SRSF4: variants seen among roughly 807,000 people sequenced by gnomAD.
The protein encoded by SRSF4 is serine/arginine-rich splicing factor 4.
SRSF4 carries 12 observed loss-of-function variants against 48.8 expected under a neutral mutation model. That is an observed-to-expected ratio of 0.25 (90% CI 0.16 to 0.40). The LOEUF is 0.40. Ranked by LOEUF, SRSF4 falls within the 10% of genes least tolerant of loss-of-function variation. The probability of loss-of-function intolerance (pLI) is 1.00; values close to 1 mark genes in which losing one functional copy is unlikely to be tolerated. For synonymous variants in SRSF4, 248 were observed against 232.5 expected, an observed-to-expected ratio of 1.07 and a Z score of -0.61; for missense variants, 466 against 667.1, an observed-to-expected ratio of 0.70 and a Z score of 3.32.
chr1:29,171,488 T>C (rs1028824706), intron 1 of SRSF4: 2 of 151,146 alleles, frequency 1.3e-5, no homozygotes, highest in Non-Finnish European at 2.9e-5. Flanking sequence ...AGTCACCTTA[T>C]CACCCCATGC....
At position 29,147,959 on chromosome 1, in the gene SRSF4, G is replaced by C. The variant is rs555093652; in HGVS notation, c.*451C>G. ...CCTCGACTGTGCTATTCACAACTTT[G>C]TTAAGTCCAAAAATATGAAACCAAA... is the stretch of plus-strand genomic sequence containing the variant. On this transcript the variant is annotated 3_prime_UTR_variant, in exon 6 of 6. Coordinates refer to ENST00000373795, the MANE Select transcript of SRSF4 (RefSeq NM_005626.5). 3 of 414,200 alleles carry C rather than the reference G, an allele frequency of 7.2e-6. No individual in the cohort carries two copies. Among genetic ancestry groups the C allele is most frequent in the South Asian group, 3.4e-5 (2 of 58,470 alleles). The allele number at this position is 414,200 out of a possible 1,614,324, so 25.7% of individuals were successfully genotyped here.
intron 4 of SRSF4, among the ~76,000 whole-genome samples, chr1:29,150,938 T>C (rs887436513): frequency 6.6e-6 from 1 of 152,212 alleles, no homozygotes; most frequent in African/African-American, 2.4e-5. Flanking sequence ...TTTCTGTGTA[T>C]ACTTTTCCCC....
chr1:29,151,257 T>C (rs565594071), intron 4 of SRSF4, among the ~76,000 whole-genome samples: 9 of 152,284 alleles, frequency 5.9e-5, no homozygotes, highest in African/African-American at 1.2e-4. Flanking sequence ...ACTTCCAGTA[T>C]ATAGGAAGTT....
chr1:29,171,453 A>G (rs1672743793), intron 1 of SRSF4: 1 of 150,290 alleles, frequency 6.7e-6, no homozygotes, highest in South Asian at 2.2e-4. Context: ...GGAGTTGTCA[A>G]TAACTCATTT....
At chr1:29,176,729 C>T (rs1672862203) in intron 1 of SRSF4, among the ~76,000 whole-genome samples, 1 of 152,122 alleles carries the variant, frequency 6.6e-6, no homozygotes, top group Non-Finnish European at 1.5e-5. Flanking sequence ...GAGTCTTGAA[C>T]TCCACATTAA....
intron 2 of SRSF4, chr1:29,160,124 AC>A: frequency 2.6e-6 from 1 of 390,082 alleles, no homozygotes; most frequent in Non-Finnish European, 4.5e-6. Flanking sequence ...AGAGAAAAAA[AC>A]AACAACAACA....
At chr1:29,178,642 G>A (rs1198493739) in intron 1 of SRSF4, among the ~76,000 whole-genome samples, 5 of 152,034 alleles carry the variant, frequency 3.3e-5, no homozygotes, top group East Asian at 1.9e-4. Flanking sequence ...AGGCCACCGC[G>A]CCCGGCCTCT....
chr1:29,151,929 C>G (rs1672417019), intron 4 of SRSF4, among the ~76,000 whole-genome samples: 1 of 152,168 alleles, frequency 6.6e-6, no homozygotes, highest in South Asian at 2.1e-4. Context: ...TACAGGTGTT[C>G]ATTAACTATT....
intron 1 of SRSF4, among the ~76,000 whole-genome samples, chr1:29,162,520 C>T (rs543789370): frequency 4.6e-5 from 7 of 152,308 alleles, no homozygotes; most frequent in African/African-American, 1.2e-4. Context: ...AAAACAATAA[C>T]AACAACAAAA....
intron 1 of SRSF4, among the ~76,000 whole-genome samples, chr1:29,175,952 G>A (rs1055598849): frequency 6.6e-6 from 1 of 151,786 alleles, no homozygotes; most frequent in Non-Finnish European, 1.5e-5. Flanking sequence ...CTGGCAGAAG[G>A]GCTTAAAAAC....
At position 29,148,778 on chromosome 1, in the gene SRSF4, T is replaced by TGCTGCG. The variant is rs537977363; in HGVS notation, c.1111_1116dup (p.Arg371_Ser372dup). The TGCTGCG allele has an allele frequency of 3.6e-4, 583 of 1,613,484 alleles. 2 individuals carry two copies. The South Asian group carries it at 4.9e-3, about 14-fold the overall frequency. On this transcript the variant is annotated inframe_insertion, in exon 6 of 6. Transcript: ENST00000373795. ...CCTCGCTTTCTGCTCCTCTCACTCT[T>TGCTGCG]GCTGCGGCTGCGACTGCGACTGCGG...
rs146585589 is a variant in SRSF4 at position 29,148,796 on chromosome 1, G to A, written c.1099C>T (p.Arg367Cys). 2,356 of 1,610,128 alleles carry A rather than the reference G, an allele frequency of 1.5e-3. 5 individuals are homozygous for A. Among genetic ancestry groups the A allele is most frequent in the Middle Eastern group, 2.0e-3 (12 of 6,042 alleles). ...TCACTCTTGCTGCGGCTGCGACTGC[G>A]ACTGCGGCTCTCCTCTCTGCTTCTC... The part of the protein sequence containing the change: ...RKRSREESRS[R>C]SRSRSKSERS... Residue 367 changes from arginine to cysteine, a missense_variant, in exon 6 of 6, where the codon CGC becomes TGC. Arg to Cys is a radical substitution (Grantham distance 180). Coordinates refer to ENST00000373795, the MANE Select transcript of SRSF4 (RefSeq NM_005626.5).
chr1:29,148,211 A>T lies in SRSF4; in HGVS notation c.*199T>A. 3 of 798,330 alleles carry T rather than the reference A, an allele frequency of 3.8e-6. No homozygotes were observed. The highest frequency in any genetic ancestry group is 6.3e-6 in the Non-Finnish European group (3 of 476,136). The allele number at this position is 798,330 out of a possible 1,614,324, so 49.5% of individuals were successfully genotyped here. A position where few individuals can be genotyped will look rare whatever the true frequency, so the allele number is the denominator to read the frequency against. ...GTAAAAGGGGATTTTCAAAGAGAAA[A>T]TTTTTTTCAGTCGAGCAGGAAGGCC... On this transcript the variant is annotated 3_prime_UTR_variant, in exon 6 of 6. Coordinates refer to ENST00000373795, the MANE Select transcript of SRSF4 (RefSeq NM_005626.5).
At chr1:29,153,089 T>C (rs1672439624) in intron 4 of SRSF4, among the ~76,000 whole-genome samples, 1 of 152,158 alleles carries the variant, frequency 6.6e-6, no homozygotes, top group Non-Finnish European at 1.5e-5. Flanking sequence ...GTTTATTCAA[T>C]ACTCATCTTC....
intron 1 of SRSF4, chr1:29,169,331 C>T (rs939948636): frequency 6.6e-6 from 1 of 152,184 alleles, no homozygotes; most frequent in Non-Finnish European, 1.5e-5. Context: ...GAAAAGTGGT[C>T]CATAAAACCA....
At chr1:29,170,300 T>C (rs887924094) in intron 1 of SRSF4, 1 of 152,218 alleles carries the variant, frequency 6.6e-6, no homozygotes. Context: ...AATAAAACTC[T>C]TGGGATTTAA....
At chr1:29,176,281 A>C (rs1672852189) in intron 1 of SRSF4, among the ~76,000 whole-genome samples, 1 of 151,876 alleles carries the variant, frequency 6.6e-6, no homozygotes, top group Non-Finnish European at 1.5e-5. Context: ...AAACAAAAAA[A>C]CAACAAATAG....
intron 4 of SRSF4, among the ~76,000 whole-genome samples, chr1:29,150,975 C>T (rs1339868260): frequency 6.6e-6 from 1 of 152,088 alleles, no homozygotes; most frequent in African/African-American, 2.4e-5. Flanking sequence ...CTCACTGTGA[C>T]GAGAGCTGTT....
chr1:29,160,143 A>G (rs184713143), intron 2 of SRSF4: 1 of 449,126 alleles, frequency 2.2e-6, no homozygotes, highest in Non-Finnish European at 3.8e-6. Flanking sequence ...ACACAAACAC[A>G]CATCATTAAA....
Sources: gnomAD v4.1 joint callset for allele counts (sites outside exome capture counted in the v4.1 genomes callset) on GRCh38, gnomAD v4.1.1 for gene constraint, MANE v1.5 for transcripts, NCBI Gene and HGNC (gene_info 2026-07-23, HGNC 2026-07-21) for gene names.